HCRTR2: variants seen among roughly 807,000 people sequenced by gnomAD.
HCRTR2 encodes the protein hypocretin receptor 2.
HCRTR2 carries 22 observed loss-of-function variants against 49.0 expected under a neutral mutation model. That is an observed-to-expected ratio of 0.45 (90% CI 0.32 to 0.64). HCRTR2 has a LOEUF of 0.64. Among genes scored for constraint, HCRTR2 ranks in the 30% least tolerant of loss-of-function variants. HCRTR2 has a pLI of 0.04. For synonymous variants in HCRTR2, 236 were observed against 205.3 expected, an observed-to-expected ratio of 1.15 and a Z score of -1.28; for missense variants, 491 against 559.4, an observed-to-expected ratio of 0.88 and a Z score of 1.23.
intron 1 of HCRTR2, among the ~76,000 whole-genome samples, chr6:55,236,803 T>C (rs888850851): frequency 7.2e-5 from 11 of 152,170 alleles, no homozygotes; most frequent in African/African-American, 2.7e-4. Flanking sequence ...CTGGTTGAAA[T>C]TTATAGCACT....
In HCRTR2 at chr6:55,119,249, C is replaced by A. The variant is rs185282018; in HGVS notation, c.-378+12704C>A. On this transcript the variant is annotated intron_variant, in intron 1 of 7. Transcript: ENST00000615358. ...TGTGAATAGTGCCACAATAAACATA[C>A]GTGTGCATGTGTCTTTATAGTAGAA... Among the ~76,000 whole-genome samples, 673 of 151,958 alleles carry A rather than the reference C, an allele frequency of 4.4e-3. 2 individuals are homozygous for A. The highest frequency in any genetic ancestry group is 0.015 in the African/African-American group (631 of 41,444).
intron 1 of HCRTR2, among the ~76,000 whole-genome samples, chr6:55,141,636 A>C (rs1007468346): frequency 6.6e-6 from 1 of 152,200 alleles, no homozygotes; most frequent in African/African-American, 2.4e-5. Flanking sequence ...CAAATGGATA[A>C]TATAGGTTGT....
Position 55,194,853 on chromosome 6 carries a change from A to G in HCRTR2, c.223+20043A>G, listed in dbSNP as rs559553062. 2.9e-3 allele frequency among the ~76,000 whole-genome samples: 434 copies of G among 152,234 alleles called. 1 individual carries two copies. The highest frequency in any genetic ancestry group is 3.8e-3 in the Non-Finnish European group (255 of 67,980). On this transcript the variant is annotated intron_variant, in intron 1 of 6. Transcript: ENST00000370862. ...TGAATCTAGTACTTTTTTTAATGAAAGAGATGTTGGCCTCTTGTATTGTTA... is the reference window on the plus strand; with the variant it reads ...TGAATCTAGTACTTTTTTTAATGAAGGAGATGTTGGCCTCTTGTATTGTTA...
At chr6:55,259,910 A>T (rs1347932143) in intron 3 of HCRTR2, among the ~76,000 whole-genome samples, 2 of 152,150 alleles carry the variant, frequency 1.3e-5, no homozygotes, top group Non-Finnish European at 2.9e-5. Context: ...GGCATATCTG[A>T]GTTTTTAATC....
intron 1 of HCRTR2, among the ~76,000 whole-genome samples, chr6:55,234,231 A>T (rs1244677615): frequency 1.3e-5 from 2 of 152,096 alleles, no homozygotes; most frequent in African/African-American, 4.8e-5. Context: ...AAAAAATAAA[A>T]CCTAGGTCAT....
intron 4 of HCRTR2, among the ~76,000 whole-genome samples, chr6:55,272,296 G>T (rs1766987939): frequency 6.6e-6 from 1 of 152,072 alleles, no homozygotes; most frequent in Non-Finnish European, 1.5e-5. Context: ...GCATGAAAAT[G>T]TTGAGAATAG....
chr6:55,137,627 G>A (rs1222120955), intron 1 of HCRTR2, among the ~76,000 whole-genome samples: 4 of 152,034 alleles, frequency 2.6e-5, no homozygotes, highest in African/African-American at 9.7e-5. Flanking sequence ...TTATATCTTG[G>A]AAATCCAAGA....
intron 5 of HCRTR2, 93 bp downstream of exon 5, chr6:55,277,693 A>C (rs1280309780): frequency 1.2e-5 from 11 of 953,336 alleles, no homozygotes; most frequent in Non-Finnish European, 1.8e-5. Flanking sequence ...CCAGAGAAAA[A>C]TCTAAACTTT....
chr6:55,113,577 G>A (rs556423608), intron 1 of HCRTR2, among the ~76,000 whole-genome samples: 1 of 152,010 alleles, frequency 6.6e-6, no homozygotes, highest in African/African-American at 2.4e-5. Context: ...AAACCACAAT[G>A]TGATACCACC....
At chr6:55,231,911 A>C (rs1385158340) in intron 1 of HCRTR2, among the ~76,000 whole-genome samples, 1 of 152,134 alleles carries the variant, frequency 6.6e-6, no homozygotes, top group East Asian at 1.9e-4. Context: ...AACGTGTTCC[A>C]AAGAAAACTC....
At chr6:55,113,594 C>T (rs1243434891) in intron 1 of HCRTR2, among the ~76,000 whole-genome samples, 6 of 151,778 alleles carry the variant, frequency 4.0e-5, no homozygotes, top group Non-Finnish European at 8.8e-5. Context: ...CACCCTACTC[C>T]TGCAAGAGTA....
chr6:55,200,745 C>T (rs1562004778), intron 1 of HCRTR2, among the ~76,000 whole-genome samples: 1 of 152,160 alleles, frequency 6.6e-6, no homozygotes, highest in East Asian at 1.9e-4. Flanking sequence ...TCTGCAATTA[C>T]AGAATCAATA....
chr6:55,144,978 T>C (rs971025414), intron 1 of HCRTR2, among the ~76,000 whole-genome samples: 20 of 152,202 alleles, frequency 1.3e-4, no homozygotes, highest in Admixed American at 3.9e-4. Flanking sequence ...CATTTTTCTT[T>C]TTTAAATTAA....
At chr6:55,235,222 G>A (rs150895455) in intron 1 of HCRTR2, among the ~76,000 whole-genome samples, 3 of 151,938 alleles carry the variant, frequency 2.0e-5, no homozygotes, top group African/African-American at 7.2e-5. Flanking sequence ...CTGGGGTGCC[G>A]GTCATATTGT....
chr6:55,162,046 A>G (rs372176520), intron 1 of HCRTR2, among the ~76,000 whole-genome samples: 1 of 152,134 alleles, frequency 6.6e-6, no homozygotes, highest in Non-Finnish European at 1.5e-5. Context: ...AGAAAATTTC[A>G]GGCTAATATA....
At chr6:55,259,119 C>G (rs186481725) in intron 3 of HCRTR2, among the ~76,000 whole-genome samples, 20 of 152,062 alleles carry the variant, frequency 1.3e-4, no homozygotes, top group Non-Finnish European at 2.6e-4. Context: ...ATTCATTCAT[C>G]CAGTGTTTAA....
intron 1 of HCRTR2, among the ~76,000 whole-genome samples, chr6:55,133,382 C>CAT (rs200552487): frequency 1.9e-5 from 2 of 104,980 alleles, no homozygotes; most frequent in Non-Finnish European, 4.6e-5. Flanking sequence ...CATACACACA[C>CAT]ACAAAAAAAC....
intron 1 of HCRTR2, among the ~76,000 whole-genome samples, chr6:55,224,842 C>T (rs1203301227): frequency 1.3e-5 from 2 of 151,956 alleles, no homozygotes; most frequent in Admixed American, 1.3e-4. Context: ...TGGTGATTAT[C>T]GGGTGCTGGG....
In HCRTR2 at chr6:55,162,703, CAG is replaced by C. The variant is rs1184738252; in HGVS notation, c.-377-11503_-377-11502del. Among the ~76,000 whole-genome samples, 15 of 152,250 alleles carry C rather than the reference CAG, an allele frequency of 9.9e-5. No individual in the cohort carries two copies. The East Asian group carries it at 2.9e-3, about 29-fold the overall frequency. ...TTTCTATACACTAATAATAGACAAA[CAG>C]AGAGCCAAATCATGAGTGAACTCCC... On this transcript the variant is annotated intron_variant, in intron 1 of 7. Coordinates refer to the HCRTR2 transcript ENST00000615358.
Sources: gnomAD v4.1 joint callset for allele counts (sites outside exome capture counted in the v4.1 genomes callset) on GRCh38, gnomAD v4.1.1 for gene constraint, MANE v1.5 for transcripts, NCBI Gene and HGNC (gene_info 2026-07-23, HGNC 2026-07-21) for gene names.